Variants in WASF1 observed in about 807,000 individuals in gnomAD.
The protein encoded by WASF1 is WASP family member 1, also known as actin-binding protein WASF1.
In WASF1, 7 loss-of-function variants were observed where a neutral mutation model predicts 50.5. The ratio of observed to expected loss-of-function variants is 0.14; its 90% confidence interval spans 0.08 to 0.26. The LOEUF is 0.26. Ranked by LOEUF, WASF1 falls within the 10% of genes least tolerant of loss-of-function variation. The pLI, the probability that WASF1 is intolerant of heterozygous loss-of-function variation, is 1.00. For missense variants in WASF1, 470 were observed against 694.7 expected, an observed-to-expected ratio of 0.68 and a Z score of 3.64; for synonymous variants, 205 against 244.0, an observed-to-expected ratio of 0.84 and a Z score of 1.49.
In WASF1 at chr6:110,134,644, T is replaced by C. The variant is rs1562175346; in HGVS notation, c.-28-7015A>G. ...TTTCACTATGTTGTTCAGGCTGGTCTCAAACTCCTGACCTCAGGTGATCTG... is the reference window on the plus strand; with the variant it reads ...TTTCACTATGTTGTTCAGGCTGGTCCCAAACTCCTGACCTCAGGTGATCTG... On this transcript the variant is annotated intron_variant, in intron 3 of 10. Transcript: ENST00000392589. 2.6e-5 allele frequency among the ~76,000 whole-genome samples: 4 copies of C among 152,132 alleles called. 1 individual carries two copies. Among genetic ancestry groups the C allele is most frequent in the Admixed American group, 2.6e-4 (4 of 15,272 alleles).
intron 3 of WASF1, among the ~76,000 whole-genome samples, chr6:110,147,784 T>C (rs1009360579): frequency 6.6e-6 from 1 of 152,198 alleles, no homozygotes; most frequent in Non-Finnish European, 1.5e-5. Context: ...TCTTATTCTG[T>C]CACCCAAACT....
intron 3 of WASF1, among the ~76,000 whole-genome samples, chr6:110,158,395 TG>T (rs1181627207): frequency 7.8e-6 from 1 of 127,660 alleles, no homozygotes; most frequent in Non-Finnish European, 1.6e-5. Context: ...GTGGGATCGG[TG>T]GTGATATCCC....
chr6:110,110,034 C>A (rs909245412), intron 5 of WASF1, among the ~76,000 whole-genome samples: 2 of 152,190 alleles, frequency 1.3e-5, no homozygotes, highest in African/African-American at 4.8e-5. Flanking sequence ...CTGTAACACA[C>A]TTATAAATAC....
rs775017785 is a variant in WASF1 at position 110,102,046 on chromosome 6, G to T, written c.1064C>A (p.Pro355Gln). 9.8e-6 allele frequency: 15 copies of T among 1,530,548 alleles called. No homozygotes were observed. Among genetic ancestry groups the T allele is most frequent in the African/African-American group, 9.7e-5 (7 of 72,132 alleles). The allele number at this position is 1,530,548 out of a possible 1,614,324, so 94.8% of individuals were successfully genotyped here. A position where few individuals can be genotyped will look rare whatever the true frequency, so the allele number is the denominator to read the frequency against. The change falls in exon 10 of 11, where the codon CCA (proline) becomes CAA (glutamine). Residue 355 changes from proline to glutamine, a missense_variant. Physicochemically the swap from Pro to Gln is moderately conservative, Grantham distance 76. Coordinates refer to ENST00000392589, the MANE Select transcript of WASF1 (RefSeq NM_003931.3). ...TSTPPPPVPP[P>Q]PPPPATALQA... ...CAAAGCAGTGGCTGGAGGTGGAGGT[G>T]GGGGAGGTACTGGAGGGGGAGGAGT...
chr6:110,167,615 A>T (rs1282092003), intron 2 of WASF1, among the ~76,000 whole-genome samples: 1 of 152,058 alleles, frequency 6.6e-6, no homozygotes, highest in Non-Finnish European at 1.5e-5. Context: ...TCACTTCATT[A>T]GTAATCTCAT....
At chr6:110,122,719 C>T (rs112301441) in intron 4 of WASF1, among the ~76,000 whole-genome samples, 2 of 152,138 alleles carry the variant, frequency 1.3e-5, no homozygotes, top group African/African-American at 4.8e-5. Context: ...TGTAGGAATA[C>T]AGTATACTAC....
intron 2 of WASF1, among the ~76,000 whole-genome samples, chr6:110,171,431 G>C (rs1303991693): frequency 6.6e-6 from 1 of 152,158 alleles, no homozygotes; most frequent in Non-Finnish European, 1.5e-5. Flanking sequence ...CAAAAGCAGT[G>C]CTTGGAGGGA....
At chr6:110,130,558 AT>A in intron 3 of WASF1, among the ~76,000 whole-genome samples, 1 of 152,246 alleles carries the variant, frequency 6.6e-6, no homozygotes, top group East Asian at 1.9e-4. Context: ...CAGGTTGTTC[AT>A]TTTCATTGCT....
intron 2 of WASF1, among the ~76,000 whole-genome samples, chr6:110,163,671 T>C (rs1449224263): frequency 6.6e-6 from 1 of 151,588 alleles, no homozygotes; most frequent in Non-Finnish European, 1.5e-5. Context: ...ACTTGATCTG[T>C]AGATTCAACA....
rs958221381 is a variant in WASF1 at position 110,099,837 on chromosome 6, T to C, written c.*685A>G. 1 of 152,546 alleles carries C rather than the reference T, an allele frequency of 6.6e-6. No individual in the cohort carries two copies. The highest frequency in any genetic ancestry group is 1.5e-5 in the Non-Finnish European group (1 of 68,038). The allele number at this position is 152,546 out of a possible 1,614,324, so 9.4% of individuals were successfully genotyped here. A position where few individuals can be genotyped will look rare whatever the true frequency, so the allele number is the denominator to read the frequency against. On this transcript the variant is annotated 3_prime_UTR_variant, in exon 11 of 11. Coordinates refer to ENST00000392589, the MANE Select transcript of WASF1 (RefSeq NM_003931.3). Reference sequence around the variant, plus strand: ...ACTGATGAACTTTTAAAATGAACCATTTATTAAATCAGACTGTTATTCTTA... The same window carrying C: ...ACTGATGAACTTTTAAAATGAACCACTTATTAAATCAGACTGTTATTCTTA...
At chr6:110,103,267 T>C in intron 9 of WASF1, 111 bp downstream of exon 9, 1 of 1,180,384 alleles carries the variant, frequency 8.5e-7, no homozygotes, top group Non-Finnish European at 1.2e-6. Context: ...AATTGAGTAC[T>C]TGTGACAAAA....
chr6:110,127,509 A>G lies in WASF1; in HGVS notation c.93T>C (p.Asn31=). The stretch of plus-strand genomic sequence containing the variant: ...GTCTAATTATATTTGCCAAGGAAAT[A>G]TTGGTTACACATTCCAGTTCATTCT... The part of the protein sequence containing the change: ...GIKNELECVT[N]ISLANIIRQL... The change falls in exon 4 of 11, where the codon AAT becomes AAC. Residue 31 remains asparagine, a synonymous_variant. Transcript: ENST00000392589. The G allele has an allele frequency of 6.2e-7, 1 of 1,603,512 alleles. No homozygotes were observed.
chr6:110,100,154 T>C lies in WASF1; in HGVS notation c.*368A>G, dbSNP rs573099947. 2.4e-4 allele frequency: 38 copies of C among 160,336 alleles called. No homozygotes were observed. The highest frequency in any genetic ancestry group is 7.7e-4 in the African/African-American group (32 of 41,790). 9.9% of individuals were successfully genotyped at this position (160,336 alleles called of 1,614,324 possible). ...CAGGAAATGGAATAAGGCTCATTAG[T>C]AGACACAGCTGCCCTCAAGATTTCA... On this transcript the variant is annotated 3_prime_UTR_variant, in exon 11 of 11. Transcript: ENST00000392589.
intron 3 of WASF1, among the ~76,000 whole-genome samples, chr6:110,142,296 C>G (rs940597922): frequency 1.3e-5 from 2 of 151,588 alleles, no homozygotes; most frequent in African/African-American, 2.4e-5. Flanking sequence ...GAAATATTAT[C>G]CAAATCGCAA....
chr6:110,111,808 A>G (rs1023127319), intron 5 of WASF1, among the ~76,000 whole-genome samples: 2 of 152,122 alleles, frequency 1.3e-5, no homozygotes, highest in Non-Finnish European at 2.9e-5. Context: ...TAATGAGTAC[A>G]GGGCTTCTTT....
At chr6:110,103,287 C>T (rs923960690) in intron 9 of WASF1, 91 bp downstream of exon 9, 18 of 1,427,250 alleles carry the variant, frequency 1.3e-5, no homozygotes, top group Non-Finnish European at 1.6e-5. Flanking sequence ...AACTGTAAGG[C>T]CCGAAAGCCA....
chr6:110,127,527 T>C lies in WASF1; in HGVS notation c.75A>G (p.Glu25=), dbSNP rs1169310313. ...AGGAAATATTGGTTACACATTCCAG[T>C]TCATTCTTAATGCCTCTAGGCAGTG... ...HTALPRGIKN[E]LECVTNISLA... Residue 25 remains glutamate, a synonymous_variant, in exon 4 of 11, where the codon GAA becomes GAG. Coordinates refer to ENST00000392589, the MANE Select transcript of WASF1 (RefSeq NM_003931.3). 6.2e-7 allele frequency: 1 copy of C among 1,604,844 alleles called. No individual in the cohort carries two copies. The highest frequency in any genetic ancestry group is 1.7e-5 in the Admixed American group (1 of 58,520).
chr6:110,123,306 A>T (rs1015135010), intron 4 of WASF1, among the ~76,000 whole-genome samples: 3 of 152,120 alleles, frequency 2.0e-5, no homozygotes. Context: ...AATTTAGGAG[A>T]TCTTTTACAC....
intron 3 of WASF1, among the ~76,000 whole-genome samples, chr6:110,133,985 CTTG>C (rs1436419893): frequency 1.8e-4 from 27 of 152,040 alleles, no homozygotes; most frequent in Non-Finnish European, 1.5e-5. Flanking sequence ...AGAATTTTGT[CTTG>C]TTTTTATTTT....
Sources: allele counts gnomAD v4.1 joint callset (sites outside exome capture counted in the v4.1 genomes callset), GRCh38; gene constraint gnomAD v4.1.1; transcripts MANE v1.5; gene names NCBI Gene and HGNC (gene_info 2026-07-23, HGNC 2026-07-21).